The following DYSF variants were observed in gnomAD, a reference collection of about 807,000 sequenced individuals.
DYSF encodes the protein dystrophy-associated fer-1-like 1.
DYSF carries 212 observed loss-of-function variants against 274.9 expected under a neutral mutation model. The observed-to-expected ratio is 0.77, with a 90% CI of 0.69 to 0.86. The LOEUF (loss-of-function observed/expected upper bound fraction) is 0.86, where lower values mean the gene tolerates loss of function less well. DYSF is among the 40% of genes least tolerant of loss of function. DYSF has a pLI of 0.00. For synonymous variants in DYSF, 1,091 were observed against 1,078.7 expected, an observed-to-expected ratio of 1.01 and a Z score of -0.22; for missense variants, 2,666 against 2,783.2, an observed-to-expected ratio of 0.96 and a Z score of 0.95.
At position 71,673,753 on chromosome 2, in the gene DYSF, G is replaced by T. The variant is rs140669419; in HGVS notation, c.5785-444G>T. Among the ~76,000 whole-genome samples the T allele has an allele frequency of 4.6e-5, 7 of 152,270 alleles. No homozygotes were observed. The East Asian group carries it at 1.2e-3, about 25-fold the overall frequency. ...GGTCTTGGACAAATTACTTGCTTTG[G>T]TCTCCTCCACTGTAAAGATAGTATC... is the stretch of plus-strand genomic sequence containing the variant. On this transcript the variant is annotated intron_variant, in intron 51 of 55. Transcript: ENST00000410020.
rs1442864455 is a variant in DYSF, at chr2:71,665,198, C to T, written c.5211C>T (p.Pro1737=). ...GPNQWRDQLR[P]SQLLHLFCQQ... ...ACCAGTGGCGGGACCAGCTCCGCCC[C>T]TCCCAGCTCCTCCACCTCTTCTGCC... Residue 1737 remains proline, a synonymous_variant, in exon 47 of 56, where the codon CCC becomes CCT. Coordinates refer to ENST00000410020, the MANE Select transcript of DYSF (RefSeq NM_001130987.2). 1 of 1,614,006 alleles carries T rather than the reference C, an allele frequency of 6.2e-7. No individual in the cohort carries two copies. Among genetic ancestry groups the T allele is most frequent in the South Asian group, 1.1e-5 (1 of 91,084 alleles).
At chr2:71,611,092 G>A (rs529135180) in intron 36 of DYSF, among the ~76,000 whole-genome samples, 153 bp from the exon 37 acceptor site, 57 of 152,242 alleles carry the variant, frequency 3.7e-4, no homozygotes, top group African/African-American at 1.3e-3. Flanking sequence ...TAGCTTTTTC[G>A]TTTCTGCCTC....
At chr2:71,665,413 G>A (rs921970888) in intron 47 of DYSF, 109 bp downstream of exon 47, 1 of 1,416,996 alleles carries the variant, frequency 7.1e-7, no homozygotes, top group Admixed American at 1.8e-5. Context: ...ACCCACAGCA[G>A]CAGGCTGTGG....
At chr2:71,683,210 G>A (rs919314607) in intron 55 of DYSF, among the ~76,000 whole-genome samples, 2 of 152,220 alleles carry the variant, frequency 1.3e-5, no homozygotes, top group African/African-American at 4.8e-5. Context: ...TAGGGAAGCT[G>A]TCGGGGAGCG....
At chr2:71,505,975 T>G (rs2085435600) in intron 4 of DYSF, among the ~76,000 whole-genome samples, 1 of 152,118 alleles carries the variant, frequency 6.6e-6, no homozygotes, top group Admixed American at 6.5e-5. Flanking sequence ...TCTTCAAAGG[T>G]TTGGAGCTTC....
intron 38 of DYSF, among the ~76,000 whole-genome samples, 196 bp from the exon 39 acceptor site, chr2:71,612,445 C>T (rs2093785797): frequency 6.6e-6 from 1 of 152,212 alleles, no homozygotes; most frequent in South Asian, 2.1e-4. Context: ...AAGCCGGCCT[C>T]TGCATGCAGC....
intron 13 of DYSF, among the ~76,000 whole-genome samples, chr2:71,526,804 C>T (rs2152749391): frequency 1.3e-5 from 2 of 152,350 alleles, no homozygotes; most frequent in South Asian, 2.1e-4. Flanking sequence ...AGATGAAGGA[C>T]ACAGATCCAC....
At position 71,481,951 on chromosome 2, in the gene DYSF, G is replaced by A. The variant is rs761881876; in HGVS notation, c.220G>A (p.Glu74Lys). 1.9e-6 allele frequency: 3 copies of A among 1,614,180 alleles called. No individual in the cohort carries two copies. The highest frequency in any genetic ancestry group is 1.7e-5 in the Admixed American group (1 of 60,032). The change falls in exon 3 of 56, where the codon GAG becomes AAG. Residue 74 changes from glutamate (E) to lysine (K), a missense_variant. Around this residue, in one of 3 missense-constraint regions of DYSF, gnomAD observed 794 missense variants for 777.1 expected, o/e 1.02. Coordinates refer to ENST00000410020, the MANE Select transcript of DYSF (RefSeq NM_001130987.2). ...SELHVVVKDH[E>K]TMGRNRFLGE... ...GCTTCATGTGGTGGTCAAAGACCAT[G>A]AGACGATGGGGAGGAACAGGTAAGG...
intron 42 of DYSF, among the ~76,000 whole-genome samples, chr2:71,653,536 C>G (rs564810126): frequency 8.6e-5 from 13 of 151,898 alleles, no homozygotes; most frequent in Admixed American, 2.0e-4. Context: ...TGGAAACCAT[C>G]ATTCTCAGCA....
At chr2:71,484,994 C>A (rs944985494) in intron 3 of DYSF, among the ~76,000 whole-genome samples, 1 of 152,218 alleles carries the variant, frequency 6.6e-6, no homozygotes, top group South Asian at 2.1e-4. Flanking sequence ...GAGCAGTTCA[C>A]TGCAGGGCTG....
chr2:71,479,087 A>C (rs1309980732), intron 1 of DYSF, among the ~76,000 whole-genome samples: 1 of 151,280 alleles, frequency 6.6e-6, no homozygotes, highest in Non-Finnish European at 1.5e-5. Context: ...CTGAAAGCTG[A>C]GCCATCCAGG....
At chr2:71,524,211 C>G (rs2087610706) in intron 12 of DYSF, among the ~76,000 whole-genome samples, 1 of 152,196 alleles carries the variant, frequency 6.6e-6, no homozygotes, top group South Asian at 2.1e-4. Flanking sequence ...ATGTATTGGT[C>G]TTTCCTTTGG....
upstream of DYSF, among the ~76,000 whole-genome samples, chr2:71,463,969 G>A (rs111519406): frequency 0.034 from 5,133 of 152,240 alleles, 166 homozygotes; most frequent in African/African-American, 0.082. Context: ...GAAGGGTAGA[G>A]CTGGGAGGAA....
intron 41 of DYSF, among the ~76,000 whole-genome samples, 170 bp from the exon 42 acceptor site, chr2:71,643,795 T>A (rs1258460848): frequency 6.6e-6 from 1 of 152,200 alleles, no homozygotes; most frequent in Non-Finnish European, 1.5e-5. Flanking sequence ...CAGTCTGCAG[T>A]CTTTGCCCCA....
At chr2:71,487,912 T>C (rs2083488431) in intron 3 of DYSF, among the ~76,000 whole-genome samples, 1 of 152,206 alleles carries the variant, frequency 6.6e-6, no homozygotes, top group South Asian at 2.1e-4. Flanking sequence ...ATGTGATTAT[T>C]GGCAAAATAA....
upstream of DYSF, among the ~76,000 whole-genome samples, chr2:71,463,022 A>C (rs552807794): frequency 3.9e-5 from 6 of 152,286 alleles, no homozygotes; most frequent in East Asian, 1.2e-3. Flanking sequence ...CCTGGCTTGT[A>C]GGTGGGGTTT....
chr2:71,526,193 A>G, intron 12 of DYSF, 27 bp from the exon 13 acceptor site: 1 of 1,614,218 alleles, frequency 6.2e-7, no homozygotes, highest in Non-Finnish European at 8.5e-7. Flanking sequence ...GAGCGCATGA[A>G]GGAATCGTAT....
At chr2:71,598,773 C>G in intron 33 of DYSF, 28 bp downstream of exon 33, 1 of 1,606,388 alleles carries the variant, frequency 6.2e-7, no homozygotes, top group African/African-American at 1.3e-5. Flanking sequence ...CTGCCTCGTC[C>G]CCTCACAGGG....
chr2:71,484,963 C>G lies in DYSF; in HGVS notation c.239+2993C>G, dbSNP rs1238517567. On this transcript the variant is annotated intron_variant, in intron 3 of 55. Coordinates refer to ENST00000410020, the MANE Select transcript of DYSF (RefSeq NM_001130987.2). ...CTAGCTCCTGGGGGCAGCTAGCTCC[C>G]TAAAAACCAGTGCCCCATGTGAGCA... Among the ~76,000 whole-genome samples the G allele has an allele frequency of 2.0e-5, 3 of 152,158 alleles. No homozygotes were observed. The East Asian group carries it at 5.8e-4, about 29-fold the overall frequency.
Sources: gnomAD v4.1 joint callset for allele counts (sites outside exome capture counted in the v4.1 genomes callset) on GRCh38, gnomAD v4.1.1 for gene constraint, gnomAD v4.1.1 regional missense constraint, MANE v1.5 for transcripts, NCBI Gene and HGNC (gene_info 2026-07-23, HGNC 2026-07-21) for gene names.